PRCP: variants seen among roughly 807,000 people sequenced by gnomAD.
PRCP encodes prolylcarboxypeptidase.
A neutral mutation model predicts 54.2 loss-of-function variants in PRCP; 46 were observed. The ratio of observed to expected loss-of-function variants is 0.85; its 90% CI spans 0.67 to 1.09. The LOEUF is 1.09. PRCP is among the 50% of genes least tolerant of loss of function. The pLI is 0.00. For synonymous variants in PRCP, 240 were observed against 212.2 expected (o/e 1.13, Z -1.14); for missense variants, 613 against 596.8 (o/e 1.03, Z -0.28).
chr11:82,874,690 C>CAAA (rs36084037), intron 1 of PRCP, among the ~76,000 whole-genome samples: 3 of 68,822 alleles, frequency 4.4e-5, no homozygotes, highest in East Asian at 5.1e-4. Context: ...GACCCTGTCT[C>CAAA]AAAAAAAAAA....
At chr11:82,851,637 A>G (rs1045268899) in intron 3 of PRCP, among the ~76,000 whole-genome samples, 2 of 151,970 alleles carry the variant, frequency 1.3e-5, no homozygotes, top group Non-Finnish European at 2.9e-5. Flanking sequence ...CTATAAAGTA[A>G]TAGATGTTTA....
chr11:82,882,032 TAAGG>T (rs1833293204), intron 1 of PRCP, among the ~76,000 whole-genome samples: 1 of 152,184 alleles, frequency 6.6e-6, no homozygotes, highest in Non-Finnish European at 1.5e-5. Flanking sequence ...AAGTAAATCT[TAAGG>T]AAGAGAAAAT....
chr11:82,876,537 C>CG (rs1381979749), intron 1 of PRCP, among the ~76,000 whole-genome samples: 1 of 151,994 alleles, frequency 6.6e-6, no homozygotes. Flanking sequence ...TGGGAGAGAC[C>CG]GGGGGGAGGT....
chr11:82,873,293 G>A (rs952508720), intron 1 of PRCP, among the ~76,000 whole-genome samples: 2 of 152,052 alleles, frequency 1.3e-5, no homozygotes, highest in Non-Finnish European at 2.9e-5. Flanking sequence ...AGCAGTATTC[G>A]TTTAACAACA....
chr11:82,876,235 T>C (rs1425089053), intron 1 of PRCP, among the ~76,000 whole-genome samples: 1 of 152,214 alleles, frequency 6.6e-6, no homozygotes, highest in African/African-American at 2.4e-5. Flanking sequence ...TGCCACTTTC[T>C]AGCTAGGTGT....
intron 7 of PRCP, 67 bp downstream of exon 7, chr11:82,839,193 AT>A (rs1362886842): frequency 1.6e-4 from 244 of 1,496,248 alleles, no homozygotes; most frequent in Admixed American, 3.6e-4. Context: ...GTGTACCCTG[AT>A]TTTTTTTTAC....
chr11:82,830,191 T>C (rs772180434), intron 8 of PRCP: 12 of 152,204 alleles, frequency 7.9e-5, no homozygotes, highest in African/African-American at 2.7e-4. Flanking sequence ...GATGTCATTA[T>C]AGTTATTACC....
intron 4 of PRCP, 65 bp from the exon 5 acceptor site, chr11:82,850,136 A>G (rs1470019680): frequency 1.2e-6 from 1 of 856,550 alleles, no homozygotes; most frequent in Non-Finnish European, 1.6e-6. Context: ...TATTATATAT[A>G]TGTCATCTAA....
chr11:82,888,185 C>A (rs906022095), intron 1 of PRCP, among the ~76,000 whole-genome samples: 1 of 152,166 alleles, frequency 6.6e-6, no homozygotes, highest in Non-Finnish European at 1.5e-5. Context: ...CCATACATAC[C>A]GTACAACCAA....
chr11:82,839,632 C>T (rs902059341), intron 6 of PRCP: 26 of 578,414 alleles, frequency 4.5e-5, no homozygotes, highest in African/African-American at 3.5e-4. Context: ...AGAAATAAAC[C>T]GAAGTCATTT....
At chr11:82,880,785 A>G (rs1859730688) in intron 1 of PRCP, among the ~76,000 whole-genome samples, 1 of 152,166 alleles carries the variant, frequency 6.6e-6, no homozygotes. Flanking sequence ...AAAAGCCTAA[A>G]GAAAACTAGA....
chr11:82,867,399 G>A (rs1859363566), intron 1 of PRCP, among the ~76,000 whole-genome samples: 5 of 152,150 alleles, frequency 3.3e-5, no homozygotes, highest in Admixed American at 3.3e-4. Flanking sequence ...CTAAAACAGA[G>A]GTGAAAATAT....
chr11:82,850,542 G>A (rs752304702), intron 3 of PRCP, 37 bp from the exon 4 acceptor site: 34 of 1,406,854 alleles, frequency 2.4e-5, no homozygotes, highest in Middle Eastern at 3.7e-4. Flanking sequence ...GTATAAATGT[G>A]CACATAACAG....
chr11:82,849,879 A>T, intron 5 of PRCP, 35 bp downstream of exon 5: 1 of 1,367,196 alleles, frequency 7.3e-7, no homozygotes, highest in Non-Finnish European at 9.5e-7. Context: ...AAGGTTAAAA[A>T]AACACACAAT....
intron 8 of PRCP, among the ~76,000 whole-genome samples, chr11:82,833,530 T>C (rs1001921297): frequency 5.3e-5 from 8 of 152,182 alleles, no homozygotes; most frequent in Non-Finnish European, 7.4e-5. Flanking sequence ...TGGAAGATAG[T>C]GTGGCAATTC....
chr11:82,884,996 A>G, intron 1 of PRCP: 1 of 1,434,850 alleles, frequency 7.0e-7, no homozygotes, highest in Non-Finnish European at 9.2e-7. Flanking sequence ...TTGTCATGTG[A>G]AAGAAAAAAT....
chr11:82,850,234 T>A, intron 4 of PRCP, 90 bp downstream of exon 4: 1 of 1,226,886 alleles, frequency 8.2e-7, no homozygotes, highest in Non-Finnish European at 1.1e-6. Context: ...CTCAGGGTAA[T>A]GGCATGGAAC....
intron 8 of PRCP, among the ~76,000 whole-genome samples, chr11:82,837,792 T>C (rs935478279): frequency 6.6e-6 from 1 of 152,202 alleles, no homozygotes; most frequent in Admixed American, 6.5e-5. Flanking sequence ...TAAGGAACAG[T>C]GTAATGTAGA....
At chr11:82,847,943 C>T (rs1858848273) in intron 6 of PRCP, among the ~76,000 whole-genome samples, 1 of 152,180 alleles carries the variant, frequency 6.6e-6, no homozygotes, top group Non-Finnish European at 1.5e-5. Flanking sequence ...TTTTCAACAA[C>T]TTTGTATTGT....
Sources: gnomAD v4.1 joint callset for allele counts (sites outside exome capture counted in the v4.1 genomes callset) on GRCh38, gnomAD v4.1.1 for gene constraint, MANE v1.5 for transcripts, NCBI Gene and HGNC (gene_info 2026-07-23, HGNC 2026-07-21) for gene names.